Variants in PTPRR observed in about 807,000 individuals in gnomAD.
The protein encoded by PTPRR is receptor-type tyrosine-protein phosphatase R.
PTPRR carries 38 observed loss-of-function variants against 77.2 expected under a neutral mutation model. The ratio of observed to expected loss-of-function variants is 0.49; its 90% CI spans 0.38 to 0.65. The LOEUF is 0.65. Among genes scored for constraint, PTPRR ranks in the 30% least tolerant of loss-of-function variants. PTPRR has a pLI of 0.00. For synonymous variants in PTPRR, 299 were observed against 283.1 expected (o/e 1.06, Z -0.57); for missense variants, 744 against 799.2 (o/e 0.93, Z 0.83).
intron 6 of PTPRR, among the ~76,000 whole-genome samples, chr12:70,737,598 C>A (rs779263233): frequency 6.6e-6 from 1 of 152,044 alleles, no homozygotes; most frequent in Non-Finnish European, 1.5e-5. Context: ...CAGCTCACTG[C>A]AACCTTGAGC....
chr12:70,655,067 A>G (rs1886528195), intron 13 of PTPRR, among the ~76,000 whole-genome samples: 1 of 152,200 alleles, frequency 6.6e-6, no homozygotes, highest in African/African-American at 2.4e-5. Flanking sequence ...TCAATCGTCC[A>G]TTTACCCAGG....
At chr12:70,738,745 GC>G (rs1889954912) in intron 6 of PTPRR, among the ~76,000 whole-genome samples, 1 of 152,154 alleles carries the variant, frequency 6.6e-6, no homozygotes, top group South Asian at 2.1e-4. Context: ...TTTTGGGAGG[GC>G]AAGGATGGGA....
chr12:70,694,747 G>A (rs763283675), intron 8 of PTPRR, among the ~76,000 whole-genome samples: 24 of 151,878 alleles, frequency 1.6e-4, no homozygotes, highest in South Asian at 2.1e-4. Context: ...AAGCCCAAAC[G>A]GCAGCATCAC....
intron 2 of PTPRR, among the ~76,000 whole-genome samples, chr12:70,770,243 T>C (rs1374967729): frequency 1.3e-5 from 2 of 149,922 alleles, no homozygotes; most frequent in Non-Finnish European, 3.0e-5. Context: ...TGGGAGAAAA[T>C]TTTCGCAACC....
At chr12:70,665,364 C>CTTTTTTTTTTTTTTTTTTTTTTT (rs72472808) in intron 10 of PTPRR, among the ~76,000 whole-genome samples, 1 of 44,562 alleles carries the variant, frequency 2.2e-5, no homozygotes, top group Non-Finnish European at 4.5e-5. Context: ...AATGCAAATT[C>CTTTTTTTTTTTTTTTTTTTTTTT]TTTTTTTTTT....
At chr12:70,855,677 C>G (rs1370251681) in intron 2 of PTPRR, among the ~76,000 whole-genome samples, 1 of 152,168 alleles carries the variant, frequency 6.6e-6, no homozygotes, top group Non-Finnish European at 1.5e-5. Context: ...TTTGTTCTGA[C>G]TACCTCACTG....
At chr12:70,839,419 G>GA (rs11404828) in intron 2 of PTPRR, among the ~76,000 whole-genome samples, 103,130 of 151,930 alleles carry the variant, frequency 0.68, 36,263 homozygotes, top group African/African-American at 0.87. Context: ...AAAATTAAGG[G>GA]AAAAATCTTA....
intron 6 of PTPRR, among the ~76,000 whole-genome samples, chr12:70,738,261 T>A (rs1323977049): frequency 6.6e-6 from 1 of 152,192 alleles, no homozygotes; most frequent in Admixed American, 6.5e-5. Context: ...TATACCCTAT[T>A]ATGGTACAGC....
At chr12:70,683,618 G>A (rs773736149) in intron 10 of PTPRR, among the ~76,000 whole-genome samples, 9 of 151,998 alleles carry the variant, frequency 5.9e-5, no homozygotes, top group African/African-American at 1.5e-4. Context: ...CACTTAGCCT[G>A]CTCTACTTTC....
At chr12:70,795,913 ATTTTTTTTTTTTTTT>A (rs71437157) in intron 2 of PTPRR, among the ~76,000 whole-genome samples, 1 of 88,356 alleles carries the variant, frequency 1.1e-5, no homozygotes, top group African/African-American at 4.0e-5. Flanking sequence ...TATTTAGTAG[ATTTTTTTTTTTTTTT>A]TTTTTTTTTT....
chr12:70,765,939 C>A (rs1033722519), intron 2 of PTPRR, among the ~76,000 whole-genome samples: 1 of 152,180 alleles, frequency 6.6e-6, no homozygotes, highest in African/African-American at 2.4e-5. Flanking sequence ...TCCAACAGAC[C>A]TGCAGCTGAG....
At chr12:70,830,992 C>G (rs1025856247) in intron 2 of PTPRR, among the ~76,000 whole-genome samples, 3 of 152,192 alleles carry the variant, frequency 2.0e-5, no homozygotes, top group Non-Finnish European at 4.4e-5. Context: ...ATATGTGCCA[C>G]TCTTAAAAGA....
In PTPRR at chr12:70,872,694, C is replaced by CAA. The variant is rs377557224; in HGVS notation, c.357+19983_357+19984dup. Among the ~76,000 whole-genome samples, 63 of 43,420 alleles carry CAA rather than the reference C, an allele frequency of 1.5e-3. 2 individuals are homozygous for CAA. The highest frequency in any genetic ancestry group is 4.1e-3 in the African/African-American group (30 of 7,294). The allele number at this position is 43,420 out of a possible 152,430, so 28.5% of individuals were successfully genotyped here. ...TGGGCGACAGAGTGAGACTCTGTCT[C>CAA]AAAAAAAAAAAAAAAAAAAAAAAAA... On this transcript the variant is annotated intron_variant, in intron 2 of 13. Transcript: ENST00000283228.
At chr12:70,721,490 A>C (rs1031704460) in intron 6 of PTPRR, among the ~76,000 whole-genome samples, 3 of 152,186 alleles carry the variant, frequency 2.0e-5, no homozygotes, top group African/African-American at 7.2e-5. Context: ...CACAAATCAA[A>C]AGGTGGACTA....
At chr12:70,903,972 G>T (rs1348281137) in intron 1 of PTPRR, among the ~76,000 whole-genome samples, 4 of 151,796 alleles carry the variant, frequency 2.6e-5, no homozygotes, top group African/African-American at 9.7e-5. Flanking sequence ...ATTAGCAAAT[G>T]AAAGTATGTC....
intron 2 of PTPRR, among the ~76,000 whole-genome samples, chr12:70,866,894 A>G (rs964599290): frequency 7.7e-4 from 117 of 152,168 alleles, no homozygotes; most frequent in African/African-American, 2.5e-3. Flanking sequence ...AAATCAATAG[A>G]TGTAATACAG....
rs185627004 is a variant in PTPRR at position 70,741,727 on chromosome 12, A to G, written c.1007+4091T>C. ...ATTCCCAAAGCCTAAGAAAACGCCCATGGGCTCAGGGGAGGGTGAAGTGTT... is the reference window on the plus strand; with the variant it reads ...ATTCCCAAAGCCTAAGAAAACGCCCGTGGGCTCAGGGGAGGGTGAAGTGTT... On this transcript the variant is annotated intron_variant, in intron 6 of 13. Transcript: ENST00000283228. Among the ~76,000 whole-genome samples the G allele has an allele frequency of 3.8e-3, 575 of 152,238 alleles. 5 individuals are homozygous for G. Among genetic ancestry groups the G allele is most frequent in the African/African-American group, 0.014 (565 of 41,544 alleles).
chr12:70,881,432 C>T (rs1431290449), intron 2 of PTPRR, among the ~76,000 whole-genome samples: 1 of 152,196 alleles, frequency 6.6e-6, no homozygotes, highest in African/African-American at 2.4e-5. Flanking sequence ...ATCTCTCACA[C>T]ATACACACAC....
chr12:70,713,560 G>T, intron 6 of PTPRR, among the ~76,000 whole-genome samples: 2 of 98,536 alleles, frequency 2.0e-5, no homozygotes, highest in South Asian at 4.9e-4. Flanking sequence ...AATACTTGCT[G>T]CTGCCTTTTT....
Sources: gnomAD v4.1 joint callset for allele counts (sites outside exome capture counted in the v4.1 genomes callset) on GRCh38, gnomAD v4.1.1 for gene constraint, MANE v1.5 for transcripts, NCBI Gene and HGNC (gene_info 2026-07-23, HGNC 2026-07-21) for gene names.